The following PXDNL variants were observed in gnomAD, a reference collection of about 807,000 sequenced individuals.
PXDNL encodes peroxidasin like, also known as probable oxidoreductase PXDNL.
PXDNL carries 145 observed loss-of-function variants against 150.8 expected under a neutral mutation model. The observed-to-expected ratio is 0.96, with a 90% CI of 0.84 to 1.10. The LOEUF (loss-of-function observed/expected upper bound fraction) is 1.10. PXDNL is among the 50% of genes least tolerant of loss of function. The probability of loss-of-function intolerance (pLI) is 0.00; values close to 1 mark genes in which losing one functional copy is unlikely to be tolerated. For synonymous variants in PXDNL, 757 were observed against 725.7 expected, an observed-to-expected ratio of 1.04 and a Z score of -0.69; for missense variants, 2,087 against 1,873.9, an observed-to-expected ratio of 1.11 and a Z score of -2.10.
chr8:51,560,978 A>G (rs1211143991), intron 3 of PXDNL, among the ~76,000 whole-genome samples: 1 of 152,020 alleles, frequency 6.6e-6, no homozygotes, highest in Non-Finnish European at 1.5e-5. Flanking sequence ...AAGGACTTTA[A>G]TAGACAGTTC....
rs572361871 is a variant in PXDNL, at chr8:51,584,916, T to C, written c.308+7711A>G. 3.9e-5 allele frequency among the ~76,000 whole-genome samples: 6 copies of C among 152,168 alleles called. 1 individual carries two copies. The South Asian group carries it at 1.2e-3, about 32-fold the overall frequency. On this transcript the variant is annotated intron_variant, in intron 3 of 22. Coordinates refer to ENST00000356297, the MANE Select transcript of PXDNL (RefSeq NM_144651.5). ...AAGATTTGGACAAAGAAATAAAGTT[T>C]TGTACCGGCAAGGGTAATGGATATG... is the stretch of plus-strand genomic sequence containing the variant.
intron 1 of PXDNL, among the ~76,000 whole-genome samples, chr8:51,725,072 C>T (rs1311759121): frequency 1.3e-5 from 2 of 152,086 alleles, no homozygotes; most frequent in African/African-American, 2.4e-5. Flanking sequence ...TCTGCAGGTT[C>T]GAACTCCGGG....
At chr8:51,700,699 CACAG>C (rs758652113) in intron 1 of PXDNL, among the ~76,000 whole-genome samples, 4 of 151,960 alleles carry the variant, frequency 2.6e-5, no homozygotes, top group African/African-American at 4.8e-5. Flanking sequence ...TACACATACA[CACAG>C]ACACACATAG....
At chr8:51,732,685 G>A (rs1816957160) in intron 1 of PXDNL, among the ~76,000 whole-genome samples, 1 of 152,158 alleles carries the variant, frequency 6.6e-6, no homozygotes, top group South Asian at 2.1e-4. Flanking sequence ...CATAGCTGGG[G>A]AGGCCTCACA....
rs201176397 is a variant in PXDNL, at chr8:51,706,926, A to AG, written c.165-52167dup. ...GGGTCTCCACATAACTGCCCACTGA[A>AG]GGGGTCTCTGGGTTTTCAGCAGAAA... On this transcript the variant is annotated intron_variant, in intron 1 of 22. Transcript: ENST00000356297. 6.9e-3 allele frequency among the ~76,000 whole-genome samples: 887 copies of AG among 127,688 alleles called. 14 individuals are homozygous for AG. Among genetic ancestry groups the AG allele is most frequent in the African/African-American group, 0.027 (843 of 31,510 alleles). The allele number at this position is 127,688 out of a possible 152,430, so 83.8% of individuals were successfully genotyped here. A position where few individuals can be genotyped will look rare whatever the true frequency, so the allele number is the denominator to read the frequency against.
At chr8:51,665,098 G>T (rs1275310555) in intron 1 of PXDNL, among the ~76,000 whole-genome samples, 1 of 152,190 alleles carries the variant, frequency 6.6e-6, no homozygotes, top group Non-Finnish European at 1.5e-5. Flanking sequence ...AGGACTGGCT[G>T]CCACACTGGA....
At chr8:51,729,050 T>C (rs1816870548) in intron 1 of PXDNL, among the ~76,000 whole-genome samples, 1 of 152,208 alleles carries the variant, frequency 6.6e-6, no homozygotes, top group African/African-American at 2.4e-5. Flanking sequence ...TCCAGTTGCC[T>C]ACAGTACTCA....
At chr8:51,651,773 C>A (rs1395624030) in intron 2 of PXDNL, among the ~76,000 whole-genome samples, 1 of 152,084 alleles carries the variant, frequency 6.6e-6, no homozygotes, top group Non-Finnish European at 1.5e-5. Context: ...TGAATTTGAG[C>A]CTGTTTCCCA....
intron 8 of PXDNL, among the ~76,000 whole-genome samples, chr8:51,470,225 C>A (rs957612852): frequency 6.6e-6 from 1 of 152,028 alleles, no homozygotes; most frequent in African/African-American, 2.4e-5. Flanking sequence ...CAATTGAAGT[C>A]TTTCTCGTGG....
In PXDNL at chr8:51,656,311, T is replaced by TAA. The variant is rs550376920; in HGVS notation, c.165-1552_165-1551insTT. ...GAGCAAAATTTTATAGGAGCTATTATTTTCAATTAAAATTATTAAATAACT... is the reference window on the plus strand; with the variant it reads ...GAGCAAAATTTTATAGGAGCTATTATAATTTCAATTAAAATTATTAAATAACT... On this transcript the variant is annotated intron_variant, in intron 1 of 22. Coordinates refer to ENST00000356297, the MANE Select transcript of PXDNL (RefSeq NM_144651.5). Among the ~76,000 whole-genome samples the TAA allele has an allele frequency of 2.0e-3, 311 of 152,306 alleles. 2 individuals are homozygous for TAA. The highest frequency in any genetic ancestry group is 7.0e-3 in the African/African-American group (292 of 41,558).
intron 2 of PXDNL, among the ~76,000 whole-genome samples, chr8:51,628,399 C>CTTTTTTTTTTTTTTT (rs71550276): frequency 1.9e-4 from 13 of 69,750 alleles, no homozygotes; most frequent in South Asian, 7.6e-4. Flanking sequence ...CTTTTCTTTT[C>CTTTTTTTTTTTTTTT]TTTTTTTTTT....
chr8:51,678,922 C>G lies in PXDNL; in HGVS notation c.165-24162G>C, dbSNP rs148102753. On this transcript the variant is annotated intron_variant, in intron 1 of 22. Coordinates refer to ENST00000356297, the MANE Select transcript of PXDNL (RefSeq NM_144651.5). The stretch of plus-strand genomic sequence containing the variant: ...ATTGTTTTGACTACATAAAACCAAA[C>G]TCAATCTATCAGCATTTGTTTCATA... Among the ~76,000 whole-genome samples, 162 of 152,284 alleles carry G rather than the reference C, an allele frequency of 1.1e-3. 1 individual carries two copies. Among genetic ancestry groups the G allele is most frequent in the African/African-American group, 3.7e-3 (152 of 41,556 alleles).
At chr8:51,464,410 A>G (rs1213285407) in intron 8 of PXDNL, among the ~76,000 whole-genome samples, 2 of 9,886 alleles carry the variant, frequency 2.0e-4, no homozygotes, top group Non-Finnish European at 6.6e-4. Context: ...GATCCATACA[A>G]AAGATCAATG....
intron 1 of PXDNL, among the ~76,000 whole-genome samples, chr8:51,715,713 G>A (rs1274178673): frequency 1.3e-5 from 2 of 152,130 alleles, no homozygotes; most frequent in African/African-American, 2.4e-5. Flanking sequence ...AATATAGGGC[G>A]GGGTTTCTTG....
At chr8:51,528,488 T>C (rs995877458) in intron 4 of PXDNL, among the ~76,000 whole-genome samples, 14 of 152,242 alleles carry the variant, frequency 9.2e-5, no homozygotes, top group African/African-American at 3.4e-4. Flanking sequence ...AATGTTGTTA[T>C]AGACAGCCCC....
chr8:51,721,897 G>T, intron 1 of PXDNL: 1 of 274,090 alleles, frequency 3.6e-6, no homozygotes, highest in East Asian at 8.7e-5. Context: ...AGCATGGCCT[G>T]TCATGGTGAA....
At chr8:51,720,796 G>A (rs901591798) in intron 1 of PXDNL, among the ~76,000 whole-genome samples, 3 of 152,192 alleles carry the variant, frequency 2.0e-5, no homozygotes, top group Non-Finnish European at 2.9e-5. Flanking sequence ...TGGTCACGGC[G>A]CTTTTCCCTC....
In PXDNL at chr8:51,796,861, G is replaced by C. The variant is rs535004282; in HGVS notation, c.164+12320C>G. On this transcript the variant is annotated intron_variant, in intron 1 of 22. Transcript: ENST00000356297. ...CATCCTGATACCAAAACCCGGCACA[G>C]ATGCAACAAAAAAAGAGAACTTCAG... 2.6e-5 allele frequency among the ~76,000 whole-genome samples: 4 copies of C among 152,236 alleles called. No individual in the cohort carries two copies. In the South Asian group the frequency reaches 8.3e-4, roughly 32 times the overall value.
chr8:51,519,321 AC>A (rs1811608573), intron 4 of PXDNL, among the ~76,000 whole-genome samples: 1 of 152,056 alleles, frequency 6.6e-6, no homozygotes, highest in African/African-American at 2.4e-5. Flanking sequence ...CAGGCAGATC[AC>A]CTAAGGTCAG....
Sources: allele counts gnomAD v4.1 joint callset (sites outside exome capture counted in the v4.1 genomes callset), GRCh38; gene constraint gnomAD v4.1.1; transcripts MANE v1.5; gene names NCBI Gene and HGNC (gene_info 2026-07-23, HGNC 2026-07-21).